Variants in SCARF1 observed in about 807,000 individuals in gnomAD.
SCARF1 encodes scavenger receptor class F member 1.
Under a neutral mutation model 76.3 loss-of-function variants are expected in SCARF1, and 49 were observed. That is an observed-to-expected ratio of 0.64 (90% CI 0.51 to 0.81). The LOEUF is 0.81. Among genes scored for constraint, SCARF1 ranks in the 40% least tolerant of loss-of-function variants. SCARF1 has a pLI of 0.00. For synonymous variants in SCARF1, 495 were observed against 474.6 expected, an observed-to-expected ratio of 1.04 and a Z score of -0.56; for missense variants, 1,098 against 1,143.9, an observed-to-expected ratio of 0.96 and a Z score of 0.58.
At position 1,645,423 on chromosome 17, in the gene SCARF1, C is replaced by T; in HGVS notation, c.101+174G>A. ...CCTTCCCTGACCCTTCCACCATCTG[C>T]CCTGGCTGGCCACTACCTGCCAGAC... On this transcript the variant is annotated intron_variant, in intron 1 of 10. Transcript: ENST00000263071. The surrounding 1 kb of genome is among the most constrained non-coding windows in gnomAD (Gnocchi z 6.3). The T allele has an allele frequency of 6.8e-7, 1 of 1,464,916 alleles. No individual in the cohort carries two copies. The highest frequency in any genetic ancestry group is 9.2e-7 in the Non-Finnish European group (1 of 1,090,872). 90.7% of individuals were successfully genotyped at this position (1,464,916 alleles called of 1,614,324 possible). A position where few individuals can be genotyped will look rare whatever the true frequency, so the allele number is the denominator to read the frequency against.
chr17:1,642,951 C>T (rs1390910022), intron 4 of SCARF1, among the ~76,000 whole-genome samples: 2 of 152,204 alleles, frequency 1.3e-5, no homozygotes, highest in Admixed American at 6.5e-5. Flanking sequence ...ATGCACCCGC[C>T]TCAGCCTCCC....
chr17:1,634,122 C>G lies in SCARF1; in HGVS notation c.*636G>C, dbSNP rs916801694. Reference sequence around the variant, plus strand: ...AAAGTTCATAGACCAGGCGTGGTGGCTCATGCCTGTCATCCCAGCACTTTG... The same window carrying G: ...AAAGTTCATAGACCAGGCGTGGTGGGTCATGCCTGTCATCCCAGCACTTTG... On this transcript the variant is annotated 3_prime_UTR_variant, in exon 11 of 11. Transcript: ENST00000263071. The G allele has an allele frequency of 2.6e-5, 4 of 152,672 alleles. No individual in the cohort carries two copies. The highest frequency in any genetic ancestry group is 9.6e-5 in the African/African-American group (4 of 41,460). The allele number at this position is 152,672 out of a possible 1,614,324, so 9.5% of individuals were successfully genotyped here.
rs1012969095 is a variant in SCARF1 at position 1,644,053 on chromosome 17, G to A, written c.266-86C>T. ...GCGTCCCCTTCCTCAAGGAAAAGGG[G>A]CGCTGGGCCCATCCTCCAAGAGCCG... On this transcript the variant is annotated intron_variant, in intron 3 of 10. Transcript: ENST00000263071. This position sits in a 1 kb window ranked among gnomAD's most constrained non-coding sequence, Gnocchi z 4.8. 9 of 1,092,938 alleles carry A rather than the reference G, an allele frequency of 8.2e-6. No homozygotes were observed. The African/African-American group carries it at 1.5e-4, about 18-fold the overall frequency. 67.7% of individuals were successfully genotyped at this position (1,092,938 alleles called of 1,614,324 possible).
chr17:1,643,509 C>T lies in SCARF1; in HGVS notation c.724G>A (p.Gly242Ser). Residue 242 changes from glycine to serine, a missense_variant, in exon 4 of 11, where the codon GGC becomes AGC. Transcript: ENST00000263071. ...AASGECTCPP[G>S]FRGARCELPC... Reference sequence around the variant, plus strand: ...AGCTCGCAGCGCGCTCCGCGGAAGCCGGGCGGGCAGGTGCACTCGCCGGAG... The same window carrying T: ...AGCTCGCAGCGCGCTCCGCGGAAGCTGGGCGGGCAGGTGCACTCGCCGGAG... 1 of 1,351,006 alleles carries T rather than the reference C, an allele frequency of 7.4e-7. No individual in the cohort carries two copies. The highest frequency in any genetic ancestry group is 3.1e-5 in the East Asian group (1 of 31,962). 83.7% of individuals were successfully genotyped at this position (1,351,006 alleles called of 1,614,324 possible).
Position 1,639,624 on chromosome 17 carries a change from C to A in SCARF1, c.1243+15G>T. ...TTCCCTGGCTACTGCACCCCGCAGC[C>A]TTCTTCCACCTTACCTGGCTGGCAG... On this transcript the variant is annotated intron_variant, in intron 7 of 10. Transcript: ENST00000263071. 1 of 1,549,746 alleles carries A rather than the reference C, an allele frequency of 6.5e-7. No individual in the cohort carries two copies.
chr17:1,643,377 C>T, intron 4 of SCARF1, 65 bp downstream of exon 4: 1 of 821,308 alleles, frequency 1.2e-6, no homozygotes, highest in Non-Finnish European at 1.6e-6. Flanking sequence ...TCCGCCCCGC[C>T]CCGCCTGCTC....
rs536994425 is a variant in SCARF1, at chr17:1,635,182, G to A, written c.2069C>T (p.Thr690Met). The change falls in exon 11 of 11, where the codon ACG (threonine) becomes ATG (methionine). Residue 690 changes from threonine to methionine, a missense_variant. Coordinates refer to ENST00000263071, the MANE Select transcript of SCARF1 (RefSeq NM_003693.4). ...GGGCTTCCCTGCCAGCATGTAGATC[G>A]TGGTCACAGGGCCCGAGCTCTCCTG... Reference protein sequence around the residue: ...SVQESSGPVTTIYMLAGKPRG... With the variant: ...SVQESSGPVTMIYMLAGKPRG... 28 of 1,613,460 alleles carry A rather than the reference G, an allele frequency of 1.7e-5. No individual in the cohort carries two copies. The South Asian group carries it at 2.4e-4, about 14-fold the overall frequency.
rs148329015 is a variant in SCARF1 at position 1,639,928 on chromosome 17, C to G, written c.1123G>C (p.Gly375Arg). 3 of 1,613,718 alleles carry G rather than the reference C, an allele frequency of 1.9e-6. No homozygotes were observed. In the Admixed American group the frequency reaches 5.0e-5, roughly 27 times the overall value. ...TVTGDCVCSAGYWGPSCNASC... is the reference protein window; with the variant it reads ...TVTGDCVCSARYWGPSCNASC... ...CATCCTTACCTGGGCCCCCAGTAGC[C>G]GGCACTGCAGACACAGTCCCCTGTC... Residue 375 changes from glycine to arginine, a missense_variant, in exon 6 of 11, where the codon GGC (glycine) becomes CGC (arginine). Gly to Arg is a moderately radical substitution (Grantham distance 125). Coordinates refer to ENST00000263071, the MANE Select transcript of SCARF1 (RefSeq NM_003693.4).
At chr17:1,638,965 GTCTCCT>G (rs1909818105) in intron 7 of SCARF1, 39 bp from the exon 8 acceptor site, 1 of 1,544,914 alleles carries the variant, frequency 6.5e-7, no homozygotes, top group Non-Finnish European at 8.8e-7. Context: ...AGGCCTTCCT[GTCTCCT>G]ACACATCCTG....
chr17:1,643,975 G>A lies in SCARF1; in HGVS notation c.266-8C>T. The A allele has an allele frequency of 7.6e-7, 1 of 1,321,462 alleles. No individual in the cohort carries two copies. The allele number at this position is 1,321,462 out of a possible 1,614,324, so 81.9% of individuals were successfully genotyped here. On this transcript the variant is annotated splice_region_variant and splice_polypyrimidine_tract_variant and intron_variant, in intron 3 of 10. Coordinates refer to ENST00000263071, the MANE Select transcript of SCARF1 (RefSeq NM_003693.4). ...AGTACTGGCCCGGGCAGCCTGCGGG[G>A]GTGGGGACGGGAGGGGTCAGCGGGC...
intron 4 of SCARF1, among the ~76,000 whole-genome samples, chr17:1,642,119 CTTAT>C (rs892244419): frequency 2.5e-4 from 38 of 151,934 alleles, no homozygotes; most frequent in South Asian, 1.9e-3. Context: ...ACTCGATCCA[CTTAT>C]TTATTATTTT....
At chr17:1,635,662 C>T (rs956707412) in intron 10 of SCARF1, 45 bp from the exon 11 acceptor site, 20 of 1,561,060 alleles carry the variant, frequency 1.3e-5, no homozygotes, top group Non-Finnish European at 1.7e-5. Flanking sequence ...GAACTGGCCA[C>T]CCCAATGCAT....
intron 8 of SCARF1, 140 bp from the exon 9 acceptor site, chr17:1,637,202 T>G: frequency 1.1e-6 from 1 of 903,662 alleles, no homozygotes; most frequent in Non-Finnish European, 1.6e-6. Context: ...AAAATCCAAA[T>G]GATTGAGCCC....
rs1301994954 is a variant in SCARF1 at position 1,639,992 on chromosome 17, A to G, written c.1059T>C (p.Ser353=). 1 of 1,613,970 alleles carries G rather than the reference A, an allele frequency of 6.2e-7. No individual in the cohort carries two copies. Among genetic ancestry groups the G allele is most frequent in the Non-Finnish European group, 8.5e-7 (1 of 1,179,964 alleles). Reference sequence around the variant, plus strand: ...ACCCCTGAACACAGGTGGGGCAGGTAGAGCCACAGTCTTCCCCAAAGGTAC... The same window carrying G: ...ACCCCTGAACACAGGTGGGGCAGGTGGAGCCACAGTCTTCCCCAAAGGTAC... ...PTGTFGEDCG[S]TCPTCVQGSC... The change falls in exon 6 of 11, where the codon TCT becomes TCC. Residue 353 remains serine (S), a synonymous_variant. Coordinates refer to ENST00000263071, the MANE Select transcript of SCARF1 (RefSeq NM_003693.4).
In SCARF1 at chr17:1,634,021, A is replaced by G. The variant is rs990203473; in HGVS notation, c.*737T>C. On this transcript the variant is annotated 3_prime_UTR_variant, in exon 11 of 11. Transcript: ENST00000263071. Reference sequence around the variant, plus strand: ...CAGAAGAAAATAAATATCACCTACAATCTCATCTTCCAGAGGAAAAAACCA... The same window carrying G: ...CAGAAGAAAATAAATATCACCTACAGTCTCATCTTCCAGAGGAAAAAACCA... 1 of 152,204 alleles carries G rather than the reference A, an allele frequency of 6.6e-6. No homozygotes were observed. The highest frequency in any genetic ancestry group is 2.4e-5 in the African/African-American group (1 of 41,450). The allele number at this position is 152,204 out of a possible 1,614,324, so 9.4% of individuals were successfully genotyped here. A position where few individuals can be genotyped will look rare whatever the true frequency, so the allele number is the denominator to read the frequency against.
At position 1,640,379 on chromosome 17, in the gene SCARF1, G is replaced by A. The variant is rs77397142; in HGVS notation, c.1010+69C>T. The A allele has an allele frequency of 9.8e-4, 1,351 of 1,381,142 alleles. 10 individuals carry two copies. In the East Asian group the frequency reaches 0.016, roughly 17 times the overall value. 85.6% of individuals were successfully genotyped at this position (1,381,142 alleles called of 1,614,324 possible). On this transcript the variant is annotated intron_variant, in intron 5 of 10. Coordinates refer to ENST00000263071, the MANE Select transcript of SCARF1 (RefSeq NM_003693.4). This position sits in a 1 kb window ranked among gnomAD's most constrained non-coding sequence, Gnocchi z 4.7. The stretch of plus-strand genomic sequence containing the variant: ...GTGTGTCGGGGAGGGTGGTGCTCTC[G>A]GAGAGAGCCGCTGAGCTGAGGGTCC...
chr17:1,645,527 C>T lies in SCARF1; in HGVS notation c.101+70G>A, dbSNP rs1336843521. 7.1e-6 allele frequency: 11 copies of T among 1,555,662 alleles called. No individual in the cohort carries two copies. The East Asian group carries it at 2.4e-4, about 34-fold the overall frequency. ...TCCCCTAACGGCCTCAACACCGGTT[C>T]AGCCACCCGCATCAGACTCCCACGA... On this transcript the variant is annotated intron_variant, in intron 1 of 10. Transcript: ENST00000263071. This position sits in a 1 kb window ranked among gnomAD's most constrained non-coding sequence, Gnocchi z 6.3.
rs1910331437 is a variant in SCARF1, at chr17:1,644,172, G to A, written c.266-205C>T. ...ACAGAAAACCCTTAGCCATTAGTGG[G>A]AGGCTCAGCCTGCCACTTCACATTC... On this transcript the variant is annotated intron_variant, in intron 3 of 10. Transcript: ENST00000263071. This position sits in a 1 kb window ranked among gnomAD's most constrained non-coding sequence, Gnocchi z 4.8. 2 of 407,830 alleles carry A rather than the reference G, an allele frequency of 4.9e-6. No individual in the cohort carries two copies. Among genetic ancestry groups the A allele is most frequent in the Non-Finnish European group, 8.5e-6 (2 of 235,596 alleles). 25.3% of individuals were successfully genotyped at this position (407,830 alleles called of 1,614,324 possible).
chr17:1,639,261 T>C (rs1179523026), intron 7 of SCARF1, among the ~76,000 whole-genome samples: 1 of 152,168 alleles, frequency 6.6e-6, no homozygotes, highest in African/African-American at 2.4e-5. Context: ...ATCCCAGCAC[T>C]TTGGGAGGCC....
Sources: allele counts gnomAD v4.1 joint callset (sites outside exome capture counted in the v4.1 genomes callset), GRCh38; gene constraint gnomAD v4.1.1; non-coding constraint Gnocchi (gnomAD v3.1); transcripts MANE v1.5; gene names NCBI Gene and HGNC (gene_info 2026-07-23, HGNC 2026-07-21).